The following RIC8B variants were observed in gnomAD, a reference collection of about 807,000 sequenced individuals.
The protein encoded by RIC8B is RIC8 guanine nucleotide exchange factor B.
A neutral mutation model predicts 57.5 loss-of-function variants in RIC8B; 16 were observed. That is an observed-to-expected ratio of 0.28 (90% confidence interval 0.19 to 0.42). The LOEUF (loss-of-function observed/expected upper bound fraction) is 0.42. Ranked by LOEUF, RIC8B falls within the 10% of genes least tolerant of loss-of-function variation. RIC8B has a pLI of 1.00. For missense variants in RIC8B, 481 were observed against 677.0 expected, an observed-to-expected ratio of 0.71 and a Z score of 3.21; for synonymous variants, 216 against 250.8, an observed-to-expected ratio of 0.86 and a Z score of 1.31.
At chr12:106,804,314 A>G (rs1183437946) in intron 2 of RIC8B, among the ~76,000 whole-genome samples, 2 of 151,176 alleles carry the variant, frequency 1.3e-5, no homozygotes, top group African/African-American at 4.9e-5. Flanking sequence ...TCCTGGGCCC[A>G]AGCGATTCTC....
chr12:106,842,860 G>T (rs771894416), intron 5 of RIC8B, 43 bp downstream of exon 5: 1 of 1,224,556 alleles, frequency 8.2e-7, no homozygotes, highest in Non-Finnish European at 1.2e-6. Context: ...TGCTTCCAAA[G>T]AATGTAAATG....
chr12:106,886,803 C>T lies in RIC8B; in HGVS notation c.*788C>T, dbSNP rs1206159281. On this transcript the variant is annotated 3_prime_UTR_variant, in exon 10 of 10. Transcript: ENST00000392837. Reference sequence around the variant, plus strand: ...CCCGGGGTGCCAGGAACACACACATCCTCCATCCCAGCATAGAGAATGGGG... The same window carrying T: ...CCCGGGGTGCCAGGAACACACACATTCTCCATCCCAGCATAGAGAATGGGG... The T allele has an allele frequency of 6.6e-6, 1 of 152,554 alleles. No individual in the cohort carries two copies. Among genetic ancestry groups the T allele is most frequent in the Non-Finnish European group, 1.5e-5 (1 of 68,040 alleles). The allele number at this position is 152,554 out of a possible 1,614,324, so 9.5% of individuals were successfully genotyped here.
At chr12:106,874,622 A>C in intron 9 of RIC8B, 1 of 1,305,800 alleles carries the variant, frequency 7.7e-7, no homozygotes, top group Non-Finnish European at 1.1e-6. Flanking sequence ...GATGTTATTC[A>C]CTACCAAAAT....
intron 6 of RIC8B, 80 bp downstream of exon 6, chr12:106,844,027 A>G (rs960016594): frequency 2.0e-6 from 2 of 996,838 alleles, no homozygotes. Flanking sequence ...GAATTTTCTC[A>G]CAATGATTTT....
intron 4 of RIC8B, among the ~76,000 whole-genome samples, chr12:106,832,643 A>G (rs2046406112): frequency 6.6e-6 from 1 of 152,156 alleles, no homozygotes; most frequent in African/African-American, 2.4e-5. Flanking sequence ...CCCAACACCT[A>G]GAACAGGTAT....
chr12:106,858,688 T>C (rs1949810119), intron 7 of RIC8B, among the ~76,000 whole-genome samples: 1 of 151,894 alleles, frequency 6.6e-6, no homozygotes, highest in African/African-American at 2.4e-5. Flanking sequence ...TACCAATAGG[T>C]TTTAAGATTG....
intron 9 of RIC8B, among the ~76,000 whole-genome samples, chr12:106,883,766 G>GC (rs1951062514): frequency 6.6e-6 from 1 of 151,446 alleles, no homozygotes; most frequent in African/African-American, 2.4e-5. Flanking sequence ...TGTCTATCAT[G>GC]CTGCTGCCAG....
chr12:106,865,369 G>A (rs1950098047), intron 8 of RIC8B, among the ~76,000 whole-genome samples: 2 of 152,122 alleles, frequency 1.3e-5, no homozygotes, highest in African/African-American at 4.8e-5. Context: ...CTGTTTCAAA[G>A]CCAATCAAAG....
chr12:106,806,182 G>A (rs1169467671), intron 2 of RIC8B, among the ~76,000 whole-genome samples: 1 of 152,128 alleles, frequency 6.6e-6, no homozygotes, highest in African/African-American at 2.4e-5. Context: ...CCCGACCTCA[G>A]GTGATCCGCC....
chr12:106,825,864 G>A, intron 4 of RIC8B, 44 bp downstream of exon 4: 1 of 1,325,100 alleles, frequency 7.5e-7, no homozygotes, highest in Admixed American at 1.7e-5. Flanking sequence ...GACATCATCA[G>A]TTGTTCTTGG....
At chr12:106,851,840 T>C (rs1949488974) in intron 7 of RIC8B, among the ~76,000 whole-genome samples, 1 of 152,210 alleles carries the variant, frequency 6.6e-6, no homozygotes, top group Non-Finnish European at 1.5e-5. Flanking sequence ...TTGCCTTCTG[T>C]ATCCTTAACC....
rs543173200 is a variant in RIC8B at position 106,829,287 on chromosome 12, T to G, written c.836+3467T>G. On this transcript the variant is annotated intron_variant, in intron 4 of 9. Transcript: ENST00000392837. ...GCACTCCAGTCCATAATCAACAAGC[T>G]TATGCATAAATACTTAGCCCAAAAA... Among the ~76,000 whole-genome samples, 123 of 152,316 alleles carry G rather than the reference T, an allele frequency of 8.1e-4. 1 individual carries two copies. The highest frequency in any genetic ancestry group is 1.7e-3 in the South Asian group (8 of 4,826).
chr12:106,875,979 T>A lies in RIC8B; in HGVS notation c.1571+5037T>A, dbSNP rs188006336. Among the ~76,000 whole-genome samples, 173 of 152,274 alleles carry A rather than the reference T, an allele frequency of 1.1e-3. 1 individual carries two copies. The highest frequency in any genetic ancestry group is 2.0e-3 in the Non-Finnish European group (134 of 68,004). ...TTAAAAATAAGTTATTTTACTCTCC[T>A]TACAAAAATATCAACGACTGTGATT... On this transcript the variant is annotated intron_variant, in intron 9 of 9. Transcript: ENST00000392837.
intron 4 of RIC8B, among the ~76,000 whole-genome samples, chr12:106,838,144 C>T: frequency 6.6e-6 from 1 of 151,816 alleles, no homozygotes; most frequent in East Asian, 1.9e-4. Context: ...GACATATTGA[C>T]CAAAAGAACA....
intron 2 of RIC8B, among the ~76,000 whole-genome samples, chr12:106,807,746 A>G (rs2045110366): frequency 6.6e-6 from 1 of 152,234 alleles, no homozygotes; most frequent in African/African-American, 2.4e-5. Context: ...AGATGAGCCT[A>G]CAGTCAGCCC....
intron 1 of RIC8B, among the ~76,000 whole-genome samples, chr12:106,780,756 T>G (rs2043729613): frequency 6.6e-6 from 1 of 152,246 alleles, no homozygotes; most frequent in South Asian, 2.1e-4. Context: ...GTAGTGCTGT[T>G]TGAGTGTATC....
chr12:106,806,755 G>A (rs1221013814), intron 2 of RIC8B, among the ~76,000 whole-genome samples: 5 of 152,086 alleles, frequency 3.3e-5, no homozygotes, highest in Non-Finnish European at 7.4e-5. Flanking sequence ...GCTTGAACCC[G>A]GGAGGCGGAG....
intron 4 of RIC8B, among the ~76,000 whole-genome samples, chr12:106,831,404 T>A (rs1448693960): frequency 6.6e-6 from 1 of 152,234 alleles, no homozygotes; most frequent in Non-Finnish European, 1.5e-5. Flanking sequence ...GAAAATCTGT[T>A]TCCCCTGGTC....
chr12:106,785,785 GTCTCTCTCTCTC>G (rs370138594), intron 2 of RIC8B, among the ~76,000 whole-genome samples: 2 of 104,624 alleles, frequency 1.9e-5, no homozygotes, highest in African/African-American at 7.6e-5. Flanking sequence ...TGTATTCTAT[GTCTCTCTCTCTC>G]TCTCTCTCTC....
Sources: allele counts gnomAD v4.1 joint callset (sites outside exome capture counted in the v4.1 genomes callset), GRCh38; gene constraint gnomAD v4.1.1; transcripts MANE v1.5; gene names NCBI Gene and HGNC (gene_info 2026-07-23, HGNC 2026-07-21).